Variants in SHISA6 observed in about 807,000 individuals in gnomAD.
SHISA6 encodes protein shisa-6.
In SHISA6, 22 loss-of-function variants were observed where a neutral mutation model predicts 47.9. The observed-to-expected ratio is 0.46, with a 90% CI of 0.33 to 0.66. The LOEUF (loss-of-function observed/expected upper bound fraction) is 0.66, where lower values mean the gene tolerates loss of function less well. SHISA6 is among the 30% of genes least tolerant of loss of function. The pLI is 0.02. For synonymous variants in SHISA6, 388 were observed against 337.8 expected, an observed-to-expected ratio of 1.15 and a Z score of -1.63; for missense variants, 680 against 764.6, an observed-to-expected ratio of 0.89 and a Z score of 1.30.
chr17:11,327,823 A>G (rs1283488504), intron 2 of SHISA6, among the ~76,000 whole-genome samples: 1 of 152,166 alleles, frequency 6.6e-6, no homozygotes, highest in Non-Finnish European at 1.5e-5. Context: ...GAACAAAACA[A>G]AAACACAAAA....
Position 11,551,920 on chromosome 17 carries a change from T to A in SHISA6, c.920T>A (p.Ile307Asn). 6.4e-7 allele frequency: 1 copy of A among 1,551,722 alleles called. No homozygotes were observed. Among genetic ancestry groups the A allele is most frequent in the Non-Finnish European group, 8.7e-7 (1 of 1,146,992 alleles). ...GGTGATCATCAATATAACCATCCGA[T>A]TTTGAGCAGTGTTACCCAGATCCCG... Reference protein sequence around the residue: ...TKGDHQYNHPILSSVTQIPPH... With the variant: ...TKGDHQYNHPNLSSVTQIPPH... The change falls in exon 4 of 6, where the codon ATT becomes AAT. Residue 307 changes from isoleucine to asparagine, a missense_variant. By Grantham distance (149) the Ile-to-Asn change is moderately radical. Coordinates refer to ENST00000441885, the MANE Select transcript of SHISA6 (RefSeq NM_207386.4).
intron 3 of SHISA6, among the ~76,000 whole-genome samples, chr17:11,392,416 T>C (rs897812871): frequency 6.6e-6 from 1 of 152,170 alleles, no homozygotes; most frequent in Non-Finnish European, 1.5e-5. Flanking sequence ...GAATAGATTA[T>C]TGTTGTCCCA....
intron 2 of SHISA6, among the ~76,000 whole-genome samples, chr17:11,355,280 C>A (rs1009257098): frequency 6.6e-6 from 1 of 152,230 alleles, no homozygotes; most frequent in African/African-American, 2.4e-5. Context: ...AAACTGAAGT[C>A]GTATTCCGAA....
chr17:11,298,694 C>T lies in SHISA6; in HGVS notation c.799+35168C>T, dbSNP rs185613654. On this transcript the variant is annotated intron_variant, in intron 2 of 5. Transcript: ENST00000441885. ...CTGAAAGCAGTACAGATTCTGGTAACGTAAGACCCAACATAGGAGTCTGGA... is the reference window on the plus strand; with the variant it reads ...CTGAAAGCAGTACAGATTCTGGTAATGTAAGACCCAACATAGGAGTCTGGA... Among the ~76,000 whole-genome samples, 111 of 152,222 alleles carry T rather than the reference C, an allele frequency of 7.3e-4. 1 individual carries two copies. Among genetic ancestry groups the T allele is most frequent in the Non-Finnish European group, 1.4e-3 (92 of 68,024 alleles).
intron 2 of SHISA6, among the ~76,000 whole-genome samples, chr17:11,321,331 G>A (rs150310758): frequency 3.2e-4 from 48 of 152,306 alleles, no homozygotes; most frequent in African/African-American, 9.9e-4. Flanking sequence ...CTGCAAGAGA[G>A]GCTAGTAACA....
intron 2 of SHISA6, among the ~76,000 whole-genome samples, chr17:11,329,622 G>T (rs1911028138): frequency 6.6e-6 from 1 of 152,130 alleles, no homozygotes; most frequent in Non-Finnish European, 1.5e-5. Context: ...GGTAAGGGTA[G>T]AGTTTGGAAG....
chr17:11,371,532 G>A (rs1215487722), intron 2 of SHISA6, among the ~76,000 whole-genome samples: 3 of 152,148 alleles, frequency 2.0e-5, no homozygotes, highest in Non-Finnish European at 2.9e-5. Flanking sequence ...AGTATTAGAC[G>A]AAGCACTTTA....
At chr17:11,306,443 TGGA>T (rs1398024812) in intron 2 of SHISA6, among the ~76,000 whole-genome samples, 1 of 151,890 alleles carries the variant, frequency 6.6e-6, no homozygotes, top group Non-Finnish European at 1.5e-5. Flanking sequence ...GCCTTGAGAG[TGGA>T]GGAGGTTTCT....
rs114566979 is a variant in SHISA6, at chr17:11,465,334, G to A, written c.895+85825G>A. On this transcript the variant is annotated intron_variant, in intron 3 of 5. Coordinates refer to ENST00000441885, the MANE Select transcript of SHISA6 (RefSeq NM_207386.4). ...GCTCATGCCTCTCGTATGCAGCCTT[G>A]CATTGCTACTGTTTCCATATAGCCT... is the stretch of plus-strand genomic sequence containing the variant. Among the ~76,000 whole-genome samples the A allele has an allele frequency of 4.3e-3, 653 of 152,190 alleles. 6 individuals carry two copies. The highest frequency in any genetic ancestry group is 0.015 in the African/African-American group (619 of 41,532).
At position 11,241,469 on chromosome 17, in the gene SHISA6, C is replaced by T. The variant is rs1311805105; in HGVS notation, c.47C>T (p.Ser16Phe). Reference sequence around the variant, plus strand: ...CTGCTGCTGCTGCTCTCGCTGGAGTCCCTGGACCTGCTGCCCAGCGTCCAC... The same window carrying T: ...CTGCTGCTGCTGCTCTCGCTGGAGTTCCTGGACCTGCTGCCCAGCGTCCAC... ...LLLLLLLSLE[S>F]LDLLPSVHGA... The change falls in exon 1 of 6, where the codon TCC becomes TTC. Residue 16 changes from serine to phenylalanine, a missense_variant. By Grantham distance (155) the Ser-to-Phe change is radical. This residue lies in a region of SHISA6 where 121 missense variants were observed against 90.5 expected (regional missense o/e 1.34). Transcript: ENST00000441885. The surrounding 1 kb of genome is among the most constrained non-coding windows in gnomAD (Gnocchi z 5.5). The T allele has an allele frequency of 6.7e-6, 8 of 1,197,628 alleles. No individual in the cohort carries two copies. The highest frequency in any genetic ancestry group is 6.6e-5 in the Admixed American group (2 of 30,198). 74.2% of individuals were successfully genotyped at this position (1,197,628 alleles called of 1,614,324 possible).
chr17:11,253,327 C>CAA, intron 1 of SHISA6, among the ~76,000 whole-genome samples: 1 of 119,220 alleles, frequency 8.4e-6, no homozygotes, highest in South Asian at 2.7e-4. Flanking sequence ...TTTTTTTTTT[C>CAA]TTTGTCTGAT....
chr17:11,427,558 G>A (rs560250126), intron 3 of SHISA6, among the ~76,000 whole-genome samples: 12 of 152,180 alleles, frequency 7.9e-5, no homozygotes, highest in Non-Finnish European at 1.3e-4. Context: ...GGCCAGACCT[G>A]TCTCACCTTA....
intron 2 of SHISA6, among the ~76,000 whole-genome samples, chr17:11,291,479 C>A (rs978629475): frequency 6.6e-6 from 1 of 151,900 alleles, no homozygotes; most frequent in African/African-American, 2.4e-5. Context: ...ACTGAAAATA[C>A]AAAAATTAGC....
chr17:11,338,611 G>A (rs1228546126), intron 2 of SHISA6, among the ~76,000 whole-genome samples: 2 of 151,114 alleles, frequency 1.3e-5, no homozygotes, highest in African/African-American at 4.9e-5. Flanking sequence ...GGGTTTCACC[G>A]TGTTGGCCAG....
rs541858399 is a variant in SHISA6 at position 11,374,398 on chromosome 17, A to T, written c.800-5016A>T. Among the ~76,000 whole-genome samples, 13 of 152,076 alleles carry T rather than the reference A, an allele frequency of 8.5e-5. No homozygotes were observed. In the South Asian group the frequency reaches 2.5e-3, roughly 29 times the overall value. The stretch of plus-strand genomic sequence containing the variant: ...CTAGTTTTTGACTTGAGTCTTGTTT[A>T]AAAATTCTTACTCTGAGATCATTAA... On this transcript the variant is annotated intron_variant, in intron 2 of 5. Transcript: ENST00000441885.
chr17:11,425,034 A>C (rs958754766), intron 3 of SHISA6, among the ~76,000 whole-genome samples: 14 of 150,792 alleles, frequency 9.3e-5, no homozygotes, highest in African/African-American at 3.4e-4. Flanking sequence ...AAAAATGAGG[A>C]AATAACAAAA....
At chr17:11,472,694 G>C (rs1489060244) in intron 3 of SHISA6, among the ~76,000 whole-genome samples, 1 of 152,170 alleles carries the variant, frequency 6.6e-6, no homozygotes, top group Non-Finnish European at 1.5e-5. Context: ...ATAACAAGGA[G>C]TGCAATTTTT....
At position 11,379,287 on chromosome 17, in the gene SHISA6, C is replaced by T. The variant is rs543459564; in HGVS notation, c.800-127C>T. 463 of 478,722 alleles carry T rather than the reference C, an allele frequency of 9.7e-4. 2 individuals are homozygous for T. Among genetic ancestry groups the T allele is most frequent in the African/African-American group, 8.6e-3 (416 of 48,318 alleles). The allele number at this position is 478,722 out of a possible 1,614,324, so 29.7% of individuals were successfully genotyped here. On this transcript the variant is annotated intron_variant, in intron 2 of 5. Transcript: ENST00000441885. ...TGTGTATATATATTCTTGGCTGCCTCCACCTTCTGACTTAGCTGCTGGTTT... is the reference window on the plus strand; with the variant it reads ...TGTGTATATATATTCTTGGCTGCCTTCACCTTCTGACTTAGCTGCTGGTTT...
intron 3 of SHISA6, among the ~76,000 whole-genome samples, chr17:11,548,662 C>T (rs898789759): frequency 6.6e-6 from 1 of 151,980 alleles, no homozygotes; most frequent in Non-Finnish European, 1.5e-5. Context: ...AATGAGACAT[C>T]GCTAAAGATG....
Sources: allele counts gnomAD v4.1 joint callset (sites outside exome capture counted in the v4.1 genomes callset), GRCh38; gene constraint gnomAD v4.1.1; regional missense constraint gnomAD v4.1.1; non-coding constraint Gnocchi (gnomAD v3.1); transcripts MANE v1.5; gene names NCBI Gene and HGNC (gene_info 2026-07-23, HGNC 2026-07-21).